MYBPC3: variants seen among roughly 807,000 people sequenced by gnomAD.
MYBPC3 encodes myosin-binding protein C, cardiac-type.
In MYBPC3, 108 loss-of-function variants were observed where a neutral mutation model predicts 159.3. That is an observed-to-expected ratio of 0.68 (90% CI 0.58 to 0.80). The LOEUF is 0.80. Ranked by LOEUF, MYBPC3 falls within the 30% of genes least tolerant of loss-of-function variation. MYBPC3 has a pLI of 0.00. For synonymous variants in MYBPC3, 730 were observed against 702.0 expected (o/e 1.04, Z -0.63); for missense variants, 1,631 against 1,762.1 (o/e 0.93, Z 1.33).
Position 47,351,763 on chromosome 11 carries a change from A to G in MYBPC3, c.26-258T>C, listed in dbSNP as rs1373946926. On this transcript the variant is annotated intron_variant, in intron 1 of 34. Transcript: ENST00000545968. This position sits in a 1 kb window ranked among gnomAD's most constrained non-coding sequence, Gnocchi z 4.2. The stretch of plus-strand genomic sequence containing the variant: ...AGGGCTGTGGTCCTGACCTCCCAAC[A>G]AGACTTTTTCTGCATGTGTCCACTT... 6.6e-6 allele frequency among the ~76,000 whole-genome samples: 1 copy of G among 152,126 alleles called. No homozygotes were observed. Among genetic ancestry groups the G allele is most frequent in the Non-Finnish European group, 1.5e-5 (1 of 68,018 alleles).
At position 47,332,764 on chromosome 11, in the gene MYBPC3, C is replaced by T. The variant is rs746558752; in HGVS notation, c.3490+50G>A. The T allele has an allele frequency of 1.9e-6, 3 of 1,584,132 alleles. No homozygotes were observed. Among genetic ancestry groups the T allele is most frequent in the Non-Finnish European group, 2.6e-6 (3 of 1,164,232 alleles). On this transcript the variant is annotated intron_variant, in intron 31 of 34. Transcript: ENST00000545968. The surrounding 1 kb of genome is among the most constrained non-coding windows in gnomAD (Gnocchi z 4.2). ...CAAAGCTAGGCCCCTCTCCCTGTTC[C>T]CACAGCCTCCCTGCCCCAGCCCCTG...
Position 47,331,920 on chromosome 11 carries a change from C to A in MYBPC3, c.3815-39G>T, listed in dbSNP as rs11570118. The A allele has an allele frequency of 3.9e-5, 62 of 1,606,260 alleles. No homozygotes were observed. In the Admixed American group the frequency reaches 1.0e-3, roughly 27 times the overall value. On this transcript the variant is annotated intron_variant, in intron 33 of 34. Transcript: ENST00000545968. ...GGCCATGTCACTGTGTCCTCCCAGC[C>A]TTCTGGAAGCTATTGCCCATCTGGG...
chr11:47,339,293 C>G (rs371284367), intron 22 of MYBPC3, 31 bp downstream of exon 22: 1 of 1,609,406 alleles, frequency 6.2e-7, no homozygotes, highest in South Asian at 1.1e-5. Flanking sequence ...GAAAGACAAA[C>G]GAGCCTCCTC....
chr11:47,335,650 T>C (rs2095881521), intron 26 of MYBPC3: 8 of 433,094 alleles, frequency 1.8e-5, no homozygotes, highest in Non-Finnish European at 3.2e-5. Context: ...TAAAATGTAG[T>C]TGCTGATTTC....
rs730880690 is a variant in MYBPC3 at position 47,342,575 on chromosome 11, C to T, written c.1624+3G>A. 3.1e-6 allele frequency: 5 copies of T among 1,588,216 alleles called. No individual in the cohort carries two copies. The highest frequency in any genetic ancestry group is 2.6e-6 in the Non-Finnish European group (3 of 1,166,544). ...CCTCATGTGCCCCCCCAGCCAGGCTCACCCTGCACAATGAGCTCAGCCAGC... is the reference window on the plus strand; with the variant it reads ...CCTCATGTGCCCCCCCAGCCAGGCTTACCCTGCACAATGAGCTCAGCCAGC... On this transcript the variant is annotated splice_donor_region_variant and intron_variant, in intron 17 of 34. Transcript: ENST00000545968.
chr11:47,350,169 G>A (rs1595850003), intron 3 of MYBPC3, 57 bp from the exon 4 acceptor site: 4 of 1,509,004 alleles, frequency 2.7e-6, no homozygotes, highest in African/African-American at 2.8e-5. Flanking sequence ...TGTCACCCAG[G>A]CTGGAGTGCA....
In MYBPC3 at chr11:47,336,022, G is replaced by T. The variant is rs11570105; in HGVS notation, c.2603-11C>A. 1 of 1,476,136 alleles carries T rather than the reference G, an allele frequency of 6.8e-7. No homozygotes were observed. The allele number at this position is 1,476,136 out of a possible 1,614,324, so 91.4% of individuals were successfully genotyped here. ...GTTCGCTGGGGGGACCTGGGCAGAG[G>T]AGAGGTCAGAGAGGGGTCTGAGCAA... is the stretch of plus-strand genomic sequence containing the variant. On this transcript the variant is annotated splice_polypyrimidine_tract_variant and intron_variant, in intron 25 of 34. Transcript: ENST00000545968.
At chr11:47,336,212 G>A (rs1037765105) in intron 25 of MYBPC3, among the ~76,000 whole-genome samples, 5 of 152,154 alleles carry the variant, frequency 3.3e-5, no homozygotes, top group Admixed American at 6.5e-5. Context: ...CAGCAGCCAG[G>A]CACGGTGGCT....
At position 47,347,948 on chromosome 11, in the gene MYBPC3, G is replaced by C. The variant is rs755785404; in HGVS notation, c.773-43C>G. 3 of 1,547,488 alleles carry C rather than the reference G, an allele frequency of 1.9e-6. No homozygotes were observed. In the African/African-American group the frequency reaches 4.1e-5, roughly 21 times the overall value. ...AGAGATGGGGGAAGGGGCTTCAGAGGGGGCCGTTTGAGAAGCCCTGCCCTG... is the reference window on the plus strand; with the variant it reads ...AGAGATGGGGGAAGGGGCTTCAGAGCGGGCCGTTTGAGAAGCCCTGCCCTG... On this transcript the variant is annotated intron_variant, in intron 6 of 34. Transcript: ENST00000545968.
At position 47,331,685 on chromosome 11, in the gene MYBPC3, G is replaced by T; in HGVS notation, c.*58C>A. ...AGGGGTTTCCCCAACTTCCCTCCAG[G>T]CTCCTGGCACGGGGCTGGCATCCGG... is the stretch of plus-strand genomic sequence containing the variant. On this transcript the variant is annotated 3_prime_UTR_variant, in exon 35 of 35. Transcript: ENST00000545968. 1 of 735,338 alleles carries T rather than the reference G, an allele frequency of 1.4e-6. No homozygotes were observed. Among genetic ancestry groups the T allele is most frequent in the Non-Finnish European group, 2.2e-6 (1 of 463,098 alleles). The allele number at this position is 735,338 out of a possible 1,614,324, so 45.6% of individuals were successfully genotyped here. A position where few individuals can be genotyped will look rare whatever the true frequency, so the allele number is the denominator to read the frequency against.
In MYBPC3 at chr11:47,349,689, C is replaced by T. The variant is rs539452584; in HGVS notation, c.654+85G>A. On this transcript the variant is annotated intron_variant, in intron 5 of 34. Coordinates refer to ENST00000545968, the MANE Select transcript of MYBPC3 (RefSeq NM_000256.3). ...TTGCAGCTCGTGTGTGCCTCTGGGT[C>T]TCATGGTGCCCTCTGTGTGCCTTGT... 111 of 1,499,228 alleles carry T rather than the reference C, an allele frequency of 7.4e-5. No individual in the cohort carries two copies. In the East Asian group the frequency reaches 2.5e-3, roughly 34 times the overall value. The allele number at this position is 1,499,228 out of a possible 1,614,324, so 92.9% of individuals were successfully genotyped here.
chr11:47,346,502 A>T lies in MYBPC3; in HGVS notation c.926+125T>A. On this transcript the variant is annotated intron_variant, in intron 11 of 34. Coordinates refer to ENST00000545968, the MANE Select transcript of MYBPC3 (RefSeq NM_000256.3). This position sits in a 1 kb window ranked among gnomAD's most constrained non-coding sequence, Gnocchi z 5.3. ...CCTTCCCTTCTGGTGGGGCAGCTGG[A>T]GCTGCTCTGGGTCCCAGGCCAGGCA... 6.9e-7 allele frequency: 1 copy of T among 1,459,340 alleles called. No individual in the cohort carries two copies. The highest frequency in any genetic ancestry group is 9.2e-7 in the Non-Finnish European group (1 of 1,092,552). 90.4% of individuals were successfully genotyped at this position (1,459,340 alleles called of 1,614,324 possible). A position where few individuals can be genotyped will look rare whatever the true frequency, so the allele number is the denominator to read the frequency against.
chr11:47,344,602 C>T lies in MYBPC3; in HGVS notation c.1091-978G>A, dbSNP rs77598298. On this transcript the variant is annotated intron_variant, in intron 12 of 34. Coordinates refer to ENST00000545968, the MANE Select transcript of MYBPC3 (RefSeq NM_000256.3). ...TGAGTCCTCAAATACTCTGGCTGGG[C>T]CTGGAGTCAGCTGCGGAGGGGCAGA... 4.2e-4 allele frequency among the ~76,000 whole-genome samples: 64 copies of T among 152,296 alleles called. 1 individual carries two copies. The East Asian group carries it at 0.012, about 29-fold the overall frequency.
rs1034751734 is a variant in MYBPC3, at chr11:47,337,372, C to T, written c.2602+19G>A. 3 of 1,559,284 alleles carry T rather than the reference C, an allele frequency of 1.9e-6. No homozygotes were observed. The highest frequency in any genetic ancestry group is 2.4e-5 in the South Asian group (2 of 84,862). ...ACTGGGGAGGGGGCGGGGGGCAGGA[C>T]CAGGCCAGGCAGGCTCACCGATAGG... On this transcript the variant is annotated intron_variant, in intron 25 of 34. Coordinates refer to ENST00000545968, the MANE Select transcript of MYBPC3 (RefSeq NM_000256.3).
chr11:47,338,503 A>C lies in MYBPC3; in HGVS notation c.2308+17T>G, dbSNP rs779500359. 9 of 1,613,480 alleles carry C rather than the reference A, an allele frequency of 5.6e-6. No homozygotes were observed. In the Admixed American group the frequency reaches 1.5e-4, roughly 27 times the overall value. On this transcript the variant is annotated intron_variant, in intron 23 of 34. Transcript: ENST00000545968. This position sits in a 1 kb window ranked among gnomAD's most constrained non-coding sequence, Gnocchi z 4.7. Reference sequence around the variant, plus strand: ...TGCCCCTCTGTGTTCTCCAGCTTGGACCCCGGCCGGCCTCACCGATGACCT... The same window carrying C: ...TGCCCCTCTGTGTTCTCCAGCTTGGCCCCCGGCCGGCCTCACCGATGACCT...
intron 17 of MYBPC3, 143 bp from the exon 18 acceptor site, chr11:47,342,299 T>G: frequency 1.8e-6 from 2 of 1,141,632 alleles, no homozygotes; most frequent in South Asian, 3.2e-5. Flanking sequence ...TGCCTGTGTG[T>G]GCCATGTTTG....
Position 47,335,097 on chromosome 11 carries a change from T to C in MYBPC3, c.2850A>G (p.Ala950=), listed in dbSNP as rs1159190042. The change falls in exon 27 of 35, where the codon GCA becomes GCG. Residue 950 remains alanine, a synonymous_variant. Coordinates refer to ENST00000545968, the MANE Select transcript of MYBPC3 (RefSeq NM_000256.3). ...TGGTGGTAACAGGGGCTCCAGGCCC[T>C]GCCATATTGTGTGCCCGCACTCGGA... ...LLFRVRAHNM[A]GPGAPVTTTE... 6.2e-7 allele frequency: 1 copy of C among 1,606,096 alleles called. No homozygotes were observed. The highest frequency in any genetic ancestry group is 1.3e-5 in the African/African-American group (1 of 74,656).
At chr11:47,342,478 C>A in intron 17 of MYBPC3, 100 bp downstream of exon 17, 6 of 1,376,582 alleles carry the variant, frequency 4.4e-6, no homozygotes, top group Non-Finnish European at 4.8e-6. Flanking sequence ...GTCACAGAGG[C>A]CTTGAGCCCA....
rs895885502 is a variant in MYBPC3 at position 47,338,858 on chromosome 11, G to C, written c.2149-179C>G. The stretch of plus-strand genomic sequence containing the variant: ...TGGCACCGACTGAGGGCAGGGGCTC[G>C]GGTTCTAGCTTTGTCACGGGACCTG... On this transcript the variant is annotated intron_variant, in intron 22 of 34. Coordinates refer to ENST00000545968, the MANE Select transcript of MYBPC3 (RefSeq NM_000256.3). This position sits in a 1 kb window ranked among gnomAD's most constrained non-coding sequence, Gnocchi z 4.7. Among the ~76,000 whole-genome samples, 1 of 152,122 alleles carries C rather than the reference G, an allele frequency of 6.6e-6. No homozygotes were observed. Among genetic ancestry groups the C allele is most frequent in the Non-Finnish European group, 1.5e-5 (1 of 68,010 alleles).
Sources: gnomAD v4.1 joint callset for allele counts (sites outside exome capture counted in the v4.1 genomes callset) on GRCh38, gnomAD v4.1.1 for gene constraint, Gnocchi (gnomAD v3.1) non-coding constraint, MANE v1.5 for transcripts, NCBI Gene and HGNC (gene_info 2026-07-23, HGNC 2026-07-21) for gene names.